The following CERS6 variants were observed in gnomAD, a reference collection of about 807,000 sequenced individuals.
The protein encoded by CERS6 is LAG1 homolog, ceramide synthase 6.
In CERS6, 26 loss-of-function variants were observed where a neutral mutation model predicts 56.8. The ratio of observed to expected loss-of-function variants is 0.46; its 90% CI spans 0.34 to 0.63. The LOEUF (loss-of-function observed/expected upper bound fraction) is 0.63. CERS6 is among the 30% of genes least tolerant of loss of function. The pLI is 0.01. For missense variants in CERS6, 415 were observed against 467.5 expected (o/e 0.89, Z 1.04); for synonymous variants, 164 against 173.3 (o/e 0.95, Z 0.42).
Position 168,456,972 on chromosome 2 carries a change from G to T in CERS6, c.170+354G>T, listed in dbSNP as rs1693678566. On this transcript the variant is annotated intron_variant, in intron 1 of 9. Coordinates refer to ENST00000305747, the MANE Select transcript of CERS6 (RefSeq NM_203463.3). This position sits in a 1 kb window ranked among gnomAD's most constrained non-coding sequence, Gnocchi z 4.1. ...CATTCCGCGGGGCTCGCCCCTCTCC[G>T]CCGGCGCGCCACGCAAGGCTGCCAG... Among the ~76,000 whole-genome samples the T allele has an allele frequency of 6.6e-6, 1 of 152,200 alleles. No individual in the cohort carries two copies. The highest frequency in any genetic ancestry group is 1.5e-5 in the Non-Finnish European group (1 of 68,024).
At chr2:168,748,330 C>T (rs562745914) in intron 8 of CERS6, among the ~76,000 whole-genome samples, 1 of 152,298 alleles carries the variant, frequency 6.6e-6, no homozygotes, top group East Asian at 1.9e-4. Flanking sequence ...CACAGTTAAA[C>T]TCAGTATAAC....
intron 4 of CERS6, among the ~76,000 whole-genome samples, chr2:168,685,631 T>G (rs1351675262): frequency 6.6e-6 from 1 of 152,122 alleles, no homozygotes; most frequent in Non-Finnish European, 1.5e-5. Context: ...TTTACCCTTC[T>G]CTTAAAAAAA....
intron 8 of CERS6, among the ~76,000 whole-genome samples, chr2:168,736,332 CT>C (rs576345259): frequency 1.3e-5 from 2 of 151,302 alleles, no homozygotes; most frequent in African/African-American, 4.9e-5. Context: ...CCCAAGTGGG[CT>C]TTTTTTTTAA....
intron 3 of CERS6, among the ~76,000 whole-genome samples, chr2:168,594,393 T>G (rs974183493): frequency 6.6e-6 from 1 of 152,172 alleles, no homozygotes; most frequent in African/African-American, 2.4e-5. Context: ...GAGACCAGCC[T>G]GTGCAACATA....
At chr2:168,592,411 G>T (rs1182633591) in intron 3 of CERS6, among the ~76,000 whole-genome samples, 2 of 149,938 alleles carry the variant, frequency 1.3e-5, no homozygotes, top group African/African-American at 4.8e-5. Flanking sequence ...GGGGCCAAGT[G>T]GGGAGGGCTC....
At chr2:168,725,119 C>T (rs1479151831) in intron 8 of CERS6, among the ~76,000 whole-genome samples, 1 of 152,240 alleles carries the variant, frequency 6.6e-6, no homozygotes, top group Non-Finnish European at 1.5e-5. Context: ...ACCCAGTACA[C>T]CCTCCGCAGC....
At chr2:168,505,033 G>C (rs1443957471) in intron 1 of CERS6, among the ~76,000 whole-genome samples, 1 of 152,016 alleles carries the variant, frequency 6.6e-6, no homozygotes, top group East Asian at 1.9e-4. Flanking sequence ...CAATTGATAC[G>C]GTTTCTGAAG....
intron 8 of CERS6, among the ~76,000 whole-genome samples, chr2:168,720,162 T>G (rs1311516219): frequency 6.6e-6 from 1 of 151,580 alleles, no homozygotes; most frequent in Non-Finnish European, 1.5e-5. Flanking sequence ...ACTCCTGACC[T>G]CAAGTGATCC....
intron 1 of CERS6, among the ~76,000 whole-genome samples, chr2:168,508,979 T>G (rs1694730247): frequency 6.6e-6 from 1 of 152,208 alleles, no homozygotes; most frequent in African/African-American, 2.4e-5. Flanking sequence ...TTATCTATCT[T>G]GAGTTAATTG....
intron 8 of CERS6, among the ~76,000 whole-genome samples, chr2:168,746,457 C>CT (rs2105438118): frequency 6.6e-6 from 1 of 152,140 alleles, no homozygotes; most frequent in East Asian, 1.9e-4. Context: ...TCCCACCCCT[C>CT]TGCCATCACG....
chr2:168,490,157 G>A (rs745566807), intron 1 of CERS6, among the ~76,000 whole-genome samples: 1 of 152,148 alleles, frequency 6.6e-6, no homozygotes, highest in Non-Finnish European at 1.5e-5. Flanking sequence ...TCTTATAGCT[G>A]TTGCTATACT....
chr2:168,746,563 T>C (rs1015867334), intron 8 of CERS6, among the ~76,000 whole-genome samples: 5 of 151,570 alleles, frequency 3.3e-5, no homozygotes, highest in African/African-American at 1.2e-4. Flanking sequence ...TTTGTTTCTG[T>C]GGTACTATCT....
intron 8 of CERS6, among the ~76,000 whole-genome samples, chr2:168,728,642 A>G (rs1357252077): frequency 6.6e-6 from 1 of 151,304 alleles, no homozygotes; most frequent in Non-Finnish European, 1.5e-5. Flanking sequence ...CTTAATATTG[A>G]GAAGGGAGAA....
chr2:168,521,858 G>A (rs141875652), intron 1 of CERS6, among the ~76,000 whole-genome samples: 1 of 152,222 alleles, frequency 6.6e-6, no homozygotes, highest in Non-Finnish European at 1.5e-5. Context: ...GGCCCTAAGG[G>A]GCTTCACTGA....
At chr2:168,684,452 A>C (rs1377060799) in intron 4 of CERS6, among the ~76,000 whole-genome samples, 2 of 152,192 alleles carry the variant, frequency 1.3e-5, no homozygotes, top group Non-Finnish European at 2.9e-5. Flanking sequence ...CAAAATATGA[A>C]ATATTTCTTT....
At chr2:168,579,274 G>C (rs915775508) in intron 3 of CERS6, among the ~76,000 whole-genome samples, 2 of 152,114 alleles carry the variant, frequency 1.3e-5, no homozygotes, top group African/African-American at 4.8e-5. Flanking sequence ...CGTGGAGTTG[G>C]GGGGGCACTG....
At chr2:168,458,275 A>G (rs1279505352) in intron 1 of CERS6, among the ~76,000 whole-genome samples, 2 of 152,184 alleles carry the variant, frequency 1.3e-5, no homozygotes, top group Admixed American at 6.5e-5. Context: ...TTTGAAAGAG[A>G]TGTGCAGTCT....
At chr2:168,569,942 T>C (rs1423869962) in intron 3 of CERS6, among the ~76,000 whole-genome samples, 1 of 152,138 alleles carries the variant, frequency 6.6e-6, no homozygotes, top group Non-Finnish European at 1.5e-5. Flanking sequence ...GGGTAGTGAG[T>C]GTCAGCTGCC....
chr2:168,633,368 C>CT (rs1459538939), intron 4 of CERS6, among the ~76,000 whole-genome samples: 1 of 152,104 alleles, frequency 6.6e-6, no homozygotes, highest in Non-Finnish European at 1.5e-5. Flanking sequence ...CTTTGGAGGA[C>CT]TTCATAAGCC....
Sources: gnomAD v4.1 joint callset for allele counts (sites outside exome capture counted in the v4.1 genomes callset) on GRCh38, gnomAD v4.1.1 for gene constraint, Gnocchi (gnomAD v3.1) non-coding constraint, MANE v1.5 for transcripts, NCBI Gene and HGNC (gene_info 2026-07-23, HGNC 2026-07-21) for gene names.